SHISA9: variants seen among roughly 807,000 people sequenced by gnomAD.
SHISA9 encodes the protein shisa family member 9, also known as protein shisa-9.
In SHISA9, 13 loss-of-function variants were observed where a neutral mutation model predicts 38.0. That is an observed-to-expected ratio of 0.34 (90% CI 0.22 to 0.54). The LOEUF (loss-of-function observed/expected upper bound fraction) is 0.54. Among genes scored for constraint, SHISA9 ranks in the 20% least tolerant of loss-of-function variants. The probability of loss-of-function intolerance (pLI) is 0.91; values close to 1 mark genes in which losing one functional copy is unlikely to be tolerated. For synonymous variants in SHISA9, 275 were observed against 242.0 expected (o/e 1.14, Z -1.27); for missense variants, 538 against 575.8 (o/e 0.93, Z 0.67).
chr16:12,918,250 G>A (rs9938816), intron 2 of SHISA9, among the ~76,000 whole-genome samples: 39,102 of 151,968 alleles, frequency 0.26, 5,441 homozygotes, highest in Non-Finnish European at 0.31. Flanking sequence ...GTCCGATTCT[G>A]GCTTTAATGG....
the SHISA9 span, among the ~76,000 whole-genome samples, chr16:13,348,649 T>G: frequency 1.3e-5 from 2 of 151,688 alleles, no homozygotes; most frequent in Non-Finnish European, 2.9e-5. Context: ...CTTGATGGGA[T>G]TCTGAATTAT....
intron 2 of SHISA9, among the ~76,000 whole-genome samples, chr16:12,982,482 T>A (rs1269188652): frequency 6.6e-6 from 1 of 152,168 alleles, no homozygotes; most frequent in Non-Finnish European, 1.5e-5. Context: ...TGGCCCTGCT[T>A]ACCTTTTTAA....
chr16:13,341,153 A>T, the SHISA9 span, among the ~76,000 whole-genome samples: 4 of 152,186 alleles, frequency 2.6e-5, no homozygotes, highest in South Asian at 8.3e-4. Flanking sequence ...GTGCTTGCCC[A>T]TTGTAGATAC....
At chr16:13,510,392 G>A in the SHISA9 span, among the ~76,000 whole-genome samples, 69 of 152,310 alleles carry the variant, frequency 4.5e-4, 1 homozygote, top group African/African-American at 1.4e-3. Context: ...TGGCTGAGCC[G>A]AGATTTGAAT....
chr16:13,384,622 C>T, the SHISA9 span, among the ~76,000 whole-genome samples: 1 of 152,164 alleles, frequency 6.6e-6, no homozygotes, highest in African/African-American at 2.4e-5. Flanking sequence ...AGACAGCAAC[C>T]TTGAAGCTTT....
At chr16:13,098,933 G>A (rs949372883) in intron 2 of SHISA9, among the ~76,000 whole-genome samples, 1 of 152,230 alleles carries the variant, frequency 6.6e-6, no homozygotes, top group African/African-American at 2.4e-5. Context: ...TAAATAAAGG[G>A]ATGAGTCATT....
At chr16:13,423,315 G>T in the SHISA9 span, among the ~76,000 whole-genome samples, 1 of 152,162 alleles carries the variant, frequency 6.6e-6, no homozygotes, top group Non-Finnish European at 1.5e-5. Context: ...ATTTACCCTG[G>T]AGATTGTTTT....
chr16:13,470,900 C>G, the SHISA9 span, among the ~76,000 whole-genome samples: 1 of 151,894 alleles, frequency 6.6e-6, no homozygotes, highest in South Asian at 2.1e-4. Flanking sequence ...GACCTGAAGA[C>G]AAGGACTTTA....
intron 2 of SHISA9, among the ~76,000 whole-genome samples, chr16:13,133,080 T>C (rs980769301): frequency 6.6e-6 from 1 of 152,166 alleles, no homozygotes; most frequent in African/African-American, 2.4e-5. Context: ...AGATATTGCC[T>C]CTACATTCCA....
the SHISA9 span, among the ~76,000 whole-genome samples, chr16:13,276,662 C>T: frequency 6.6e-6 from 1 of 151,902 alleles, no homozygotes; most frequent in African/African-American, 2.4e-5. Context: ...TTTCCCTGAT[C>T]ATTAGTGATT....
the SHISA9 span, among the ~76,000 whole-genome samples, chr16:13,443,950 C>A: frequency 3.3e-5 from 5 of 152,356 alleles, no homozygotes; most frequent in African/African-American, 9.6e-5. Flanking sequence ...TTCCAAAGTA[C>A]TTCTTGGCCT....
chr16:12,902,252 C>A lies in SHISA9; in HGVS notation c.188C>A (p.Ala63Glu), dbSNP rs1301324571. ...EASEGAEASD[A>E]PPTRAPTPDF... ...AGCGAGGGCGCTGAGGCATCGGACG[C>A]GCCCCCGACCCGGGCGCCCACGCCG... is the stretch of plus-strand genomic sequence containing the variant. The change falls in exon 1 of 5, where the codon GCG becomes GAG. Residue 63 changes from alanine to glutamate, a missense_variant. Coordinates refer to ENST00000558583, the MANE Select transcript of SHISA9 (RefSeq NM_001145204.3). The A allele has an allele frequency of 1.2e-5, 18 of 1,545,302 alleles. No homozygotes were observed. The highest frequency in any genetic ancestry group is 2.4e-5 in the East Asian group (1 of 40,856).
intron 2 of SHISA9, among the ~76,000 whole-genome samples, chr16:13,127,118 C>T (rs1322868357): frequency 9.3e-6 from 1 of 107,238 alleles, no homozygotes; most frequent in East Asian, 3.0e-4. Flanking sequence ...ACTGAGGGAA[C>T]AGAGAGAGGG....
chr16:12,933,474 T>C (rs2071488063), intron 2 of SHISA9, among the ~76,000 whole-genome samples: 1 of 152,098 alleles, frequency 6.6e-6, no homozygotes, highest in Non-Finnish European at 1.5e-5. Flanking sequence ...TTTGTACTTT[T>C]AGTAGGATGG....
chr16:13,396,130 A>C, the SHISA9 span, among the ~76,000 whole-genome samples: 1 of 152,210 alleles, frequency 6.6e-6, no homozygotes, highest in Admixed American at 6.5e-5. Context: ...TTGAGGCCTC[A>C]GATACTAACA....
At chr16:13,110,983 C>G (rs1596654305) in intron 2 of SHISA9, among the ~76,000 whole-genome samples, 1 of 152,140 alleles carries the variant, frequency 6.6e-6, no homozygotes, top group Non-Finnish European at 1.5e-5. Flanking sequence ...GTGAAACTGG[C>G]TAGCCATATG....
intron 2 of SHISA9, among the ~76,000 whole-genome samples, chr16:13,097,588 G>C (rs138201604): frequency 6.6e-6 from 1 of 152,212 alleles, no homozygotes; most frequent in East Asian, 1.9e-4. Flanking sequence ...ATTATTTTTA[G>C]AGATGGGGTC....
intron 2 of SHISA9, among the ~76,000 whole-genome samples, chr16:13,009,854 G>T (rs933366843): frequency 6.6e-6 from 1 of 152,156 alleles, no homozygotes; most frequent in Non-Finnish European, 1.5e-5. Context: ...GGGAGTGGGG[G>T]CTTGGCATGG....
chr16:13,285,911 T>G, the SHISA9 span, among the ~76,000 whole-genome samples: 1 of 152,136 alleles, frequency 6.6e-6, no homozygotes, highest in African/African-American at 2.4e-5. Flanking sequence ...TGTATTTATC[T>G]TCTACCATTT....
Sources: allele counts gnomAD v4.1 joint callset (sites outside exome capture counted in the v4.1 genomes callset), GRCh38; gene constraint gnomAD v4.1.1; transcripts MANE v1.5; gene names NCBI Gene and HGNC (gene_info 2026-07-23, HGNC 2026-07-21).